The following PCLO variants were observed in gnomAD, a reference collection of about 807,000 sequenced individuals.
PCLO encodes the protein piccolo presynaptic cytomatrix protein, also known as protein piccolo.
Under a neutral mutation model 427.5 loss-of-function variants are expected in PCLO, and 82 were observed. That is an observed-to-expected ratio of 0.19 (90% CI 0.16 to 0.23). The LOEUF is 0.23. Ranked by LOEUF, PCLO falls within the 10% of genes least tolerant of loss-of-function variation. The pLI is 1.00. For missense variants in PCLO, 6,239 were observed against 6,115.9 expected (o/e 1.02, Z -0.67); for synonymous variants, 2,357 against 2,155.4 (o/e 1.09, Z -2.59).
chr7:82,949,748 G>A lies in PCLO; in HGVS notation c.10840C>T (p.Pro3614Ser). 1.2e-6 allele frequency: 2 copies of A among 1,613,810 alleles called. No individual in the cohort carries two copies. Among genetic ancestry groups the A allele is most frequent in the Admixed American group, 1.7e-5 (1 of 60,000 alleles). ...ACTTTGGGGGATTTGGGTGGGGAAG[G>A]AGCCAGCTGTACTGTGGAATCTGCC... ...LRADSTVQLA[P>S]SPPKSPKVLY... is the part of the protein sequence containing the mutation. The change falls in exon 6 of 25, where the codon CCT (proline) becomes TCT (serine). Residue 3614 changes from proline (P) to serine (S), a missense_variant. Transcript: ENST00000333891.
Position 82,794,459 on chromosome 7 carries a change from C to CTTTTTTTTTTTTTTTT in PCLO, c.15007+7043_15007+7058dup, listed in dbSNP as rs778108792. ...ACATGCTAGTTCATAAATTTTTTTTCTTTTTTTTTTTTTTTTTTTTTTTTT... is the reference window on the plus strand; with the variant it reads ...ACATGCTAGTTCATAAATTTTTTTTCTTTTTTTTTTTTTTTTTTTTTTTTTTTTTTTTTTTTTTTTT... On this transcript the variant is annotated intron_variant, in intron 22 of 24. Coordinates refer to ENST00000333891, the MANE Select transcript of PCLO (RefSeq NM_033026.6). Among the ~76,000 whole-genome samples the CTTTTTTTTTTTTTTTT allele has an allele frequency of 3.7e-3, 208 of 56,358 alleles. 71 individuals are homozygous for CTTTTTTTTTTTTTTTT. The highest frequency in any genetic ancestry group is 6.3e-3 in the Non-Finnish European group (153 of 24,448). 37.0% of individuals were successfully genotyped at this position (56,358 alleles called of 152,430 possible). A position where few individuals can be genotyped will look rare whatever the true frequency, so the allele number is the denominator to read the frequency against.
At chr7:82,983,990 G>C (rs1796203693) in intron 3 of PCLO, among the ~76,000 whole-genome samples, 2 of 151,860 alleles carry the variant, frequency 1.3e-5, no homozygotes, top group Admixed American at 1.3e-4. Flanking sequence ...AGCTTCATTT[G>C]ACACTCTGTT....
rs757032631 is a variant in PCLO at position 82,954,983 on chromosome 7, C to T, written c.5970G>A (p.Glu1990=). The stretch of plus-strand genomic sequence containing the variant: ...TCTGTTCTGAAAGTCTTATCTTTTG[C>T]TCTCTTCCTTTCTGCTGCATAAATC... ...ENGFMQQKGR[E]QKIRLSEQIY... Residue 1990 remains glutamate, a synonymous_variant, in exon 5 of 25, where the codon GAG becomes GAA. Transcript: ENST00000333891. 3.2e-5 allele frequency: 52 copies of T among 1,613,800 alleles called. No individual in the cohort carries two copies. Among genetic ancestry groups the T allele is most frequent in the African/African-American group, 5.3e-5 (4 of 75,040 alleles).
In PCLO at chr7:83,156,374, A is replaced by T; in HGVS notation, c.267T>A (p.Ser89Arg). Residue 89 changes from serine (S) to arginine (R), a missense_variant, in exon 2 of 25, where the codon AGT becomes AGA. Transcript: ENST00000333891. ...TTCCTGATTGCTTTGGAGGATGACT[A>T]CTATCCAACTCTTGTTTCCTAGAAG... ...PSMHRKQELDSSHPPKQSGRP... is the reference protein window; with the variant it reads ...PSMHRKQELDRSHPPKQSGRP... 1 of 1,583,592 alleles carries T rather than the reference A, an allele frequency of 6.3e-7. No homozygotes were observed. The highest frequency in any genetic ancestry group is 8.6e-7 in the Non-Finnish European group (1 of 1,161,758).
At chr7:82,808,374 T>G (rs1222697410) in intron 20 of PCLO, among the ~76,000 whole-genome samples, 3 of 151,960 alleles carry the variant, frequency 2.0e-5, no homozygotes, top group Non-Finnish European at 4.4e-5. Flanking sequence ...TCCTTTGTTT[T>G]GTCAACTTTG....
chr7:82,930,559 C>T (rs748492675), intron 6 of PCLO, among the ~76,000 whole-genome samples: 6 of 152,046 alleles, frequency 3.9e-5, no homozygotes, highest in Non-Finnish European at 5.9e-5. Context: ...CACAAAAATA[C>T]TCAATTCATT....
At chr7:82,882,754 T>C (rs1329496843) in intron 9 of PCLO, among the ~76,000 whole-genome samples, 2 of 152,128 alleles carry the variant, frequency 1.3e-5, no homozygotes, top group African/African-American at 2.4e-5. Flanking sequence ...ATGTACATTA[T>C]AAGTATTTGA....
chr7:83,118,777 C>T (rs1326356542), intron 3 of PCLO, among the ~76,000 whole-genome samples: 3 of 152,166 alleles, frequency 2.0e-5, no homozygotes, highest in Non-Finnish European at 4.4e-5. Flanking sequence ...CAGTCTAAGC[C>T]ACAGAGATTG....
intron 10 of PCLO, among the ~76,000 whole-genome samples, chr7:82,867,705 T>G (rs1261030255): frequency 6.6e-6 from 1 of 152,206 alleles, no homozygotes; most frequent in Non-Finnish European, 1.5e-5. Context: ...TCAACCTTGA[T>G]GAAGGCAATC....
In PCLO at chr7:83,050,860, C is replaced by T. The variant is rs376629034; in HGVS notation, c.3300+83390G>A. 2.9e-4 allele frequency among the ~76,000 whole-genome samples: 44 copies of T among 152,066 alleles called. No homozygotes were observed. The East Asian group carries it at 4.8e-3, about 17-fold the overall frequency. ...CCTGGGAGGTGGAGGCTGCAGTGAG[C>T]TGAGATTGCACCACTGCACTCCAGC... On this transcript the variant is annotated intron_variant, in intron 3 of 24. Coordinates refer to ENST00000333891, the MANE Select transcript of PCLO (RefSeq NM_033026.6).
intron 3 of PCLO, among the ~76,000 whole-genome samples, chr7:83,003,045 T>C (rs1339217901): frequency 1.3e-5 from 2 of 151,612 alleles, no homozygotes; most frequent in Non-Finnish European, 1.5e-5. Context: ...TGAAAGATCA[T>C]ATCTTCACAT....
chr7:82,941,336 AG>A (rs1795081117), intron 6 of PCLO, among the ~76,000 whole-genome samples: 2 of 152,164 alleles, frequency 1.3e-5, no homozygotes, highest in African/African-American at 4.8e-5. Flanking sequence ...ATTTAGTAAA[AG>A]ACTCACCTTA....
chr7:82,847,578 C>A (rs569724659), intron 10 of PCLO, among the ~76,000 whole-genome samples: 1 of 152,104 alleles, frequency 6.6e-6, no homozygotes, highest in East Asian at 1.9e-4. Context: ...GTATAGGAAA[C>A]AAACAAACAA....
At chr7:83,106,683 A>G (rs1360094966) in intron 3 of PCLO, among the ~76,000 whole-genome samples, 1 of 152,198 alleles carries the variant, frequency 6.6e-6, no homozygotes, top group African/African-American at 2.4e-5. Flanking sequence ...CACATAGAAA[A>G]GGAAAATATA....
intron 3 of PCLO, among the ~76,000 whole-genome samples, chr7:83,124,425 A>G (rs1791373186): frequency 1.3e-5 from 2 of 152,056 alleles, no homozygotes; most frequent in Non-Finnish European, 1.5e-5. Context: ...GCTCAACATC[A>G]TTAGTTATCA....
chr7:82,935,910 C>CAGAAG (rs1187099544), intron 6 of PCLO, among the ~76,000 whole-genome samples: 1 of 151,620 alleles, frequency 6.6e-6, no homozygotes, highest in Non-Finnish European at 1.5e-5. Flanking sequence ...AAATAGAAAA[C>CAGAAG]AGAAGAGTGC....
chr7:82,815,222 T>C (rs1320246834), intron 20 of PCLO, among the ~76,000 whole-genome samples: 1 of 152,022 alleles, frequency 6.6e-6, no homozygotes, highest in Non-Finnish European at 1.5e-5. Context: ...ATAACTATGT[T>C]ATTGTGCACA....
chr7:82,849,037 G>C lies in PCLO; in HGVS notation c.13655-1790C>G, dbSNP rs553309988. ...CACTTTTTTTAAATAAGGAGGAAGA[G>C]TACATTAATAAACAGATGATTTTGA... On this transcript the variant is annotated intron_variant, in intron 10 of 24. Coordinates refer to ENST00000333891, the MANE Select transcript of PCLO (RefSeq NM_033026.6). 384 of 221,428 alleles carry C rather than the reference G, an allele frequency of 1.7e-3. 2 individuals carry two copies. Among genetic ancestry groups the C allele is most frequent in the Non-Finnish European group, 3.2e-3 (333 of 103,096 alleles). 13.7% of individuals were successfully genotyped at this position (221,428 alleles called of 1,614,324 possible). A position where few individuals can be genotyped will look rare whatever the true frequency, so the allele number is the denominator to read the frequency against.
chr7:82,850,341 C>T (rs913543259), intron 10 of PCLO, among the ~76,000 whole-genome samples: 27 of 152,072 alleles, frequency 1.8e-4, no homozygotes, highest in African/African-American at 6.3e-4. Context: ...TTAAGACAGT[C>T]TGGAGTTTTG....
Sources: gnomAD v4.1 joint callset for allele counts (sites outside exome capture counted in the v4.1 genomes callset) on GRCh38, gnomAD v4.1.1 for gene constraint, MANE v1.5 for transcripts, NCBI Gene and HGNC (gene_info 2026-07-23, HGNC 2026-07-21) for gene names.